The following SAMD5 variants were observed in gnomAD, a reference collection of about 807,000 sequenced individuals.
SAMD5 encodes sterile alpha motif domain containing 5.
SAMD5 carries 13 observed loss-of-function variants against 11.3 expected under a neutral mutation model. The observed-to-expected ratio is 1.15, with a 90% confidence interval of 0.75 to 1.83. SAMD5 has a LOEUF of 1.83. SAMD5 is among the 40% of genes most tolerant of loss of function. The pLI, the probability that SAMD5 is intolerant of heterozygous loss-of-function variation, is 0.00. For synonymous variants in SAMD5, 129 were observed against 111.3 expected, an observed-to-expected ratio of 1.16 and a Z score of -1.00; for missense variants, 255 against 239.1, an observed-to-expected ratio of 1.07 and a Z score of -0.44.
chr6:147,734,390 C>T (rs1038931437), intron 1 of SAMD5, among the ~76,000 whole-genome samples: 2 of 152,192 alleles, frequency 1.3e-5, no homozygotes, highest in East Asian at 1.9e-4. Flanking sequence ...GTGAAGATGT[C>T]TGCTTTATGT....
At chr6:147,755,981 C>T in the SAMD5 span, among the ~76,000 whole-genome samples, 4 of 152,190 alleles carry the variant, frequency 2.6e-5, no homozygotes, top group Middle Eastern at 3.4e-3. Context: ...GGCCATTTCT[C>T]AAGAGCATTT....
At chr6:147,755,074 A>AT in the SAMD5 span, among the ~76,000 whole-genome samples, 19 of 151,110 alleles carry the variant, frequency 1.3e-4, 1 homozygote, top group East Asian at 3.9e-4. Context: ...AAATTTTAGG[A>AT]TTTTTTTTTC....
At chr6:147,634,371 C>A (rs1790193948) in intron 1 of SAMD5, among the ~76,000 whole-genome samples, 1 of 152,122 alleles carries the variant, frequency 6.6e-6, no homozygotes, top group African/African-American at 2.4e-5. Flanking sequence ...AACCAGATCT[C>A]ATGAGAACTC....
At chr6:147,883,163 G>A in the SAMD5 span, among the ~76,000 whole-genome samples, 10 of 152,184 alleles carry the variant, frequency 6.6e-5, no homozygotes, top group Admixed American at 2.6e-4. Flanking sequence ...AAGGTTTTCC[G>A]TGATTGAATG....
intron 1 of SAMD5, among the ~76,000 whole-genome samples, chr6:147,527,669 C>A (rs868263408): frequency 1.3e-5 from 2 of 152,142 alleles, no homozygotes; most frequent in Non-Finnish European, 2.9e-5. Flanking sequence ...CTCATTCCAG[C>A]ATTAACTGAA....
rs991561562 is a variant in SAMD5, at chr6:147,711,648, A to G, written c.163-25669A>G. Among the ~76,000 whole-genome samples, 1 of 152,218 alleles carries G rather than the reference A, an allele frequency of 6.6e-6. No individual in the cohort carries two copies. The highest frequency in any genetic ancestry group is 6.5e-5 in the Admixed American group (1 of 15,280). On this transcript the variant is annotated intron_variant, in intron 1 of 1. Transcript: ENST00000566741. This position sits in a 1 kb window ranked among gnomAD's most constrained non-coding sequence, Gnocchi z 4.1. Reference sequence around the variant, plus strand: ...TGCCAAATTAAATTTCTTGGAAAATAGTGGTTTGCATTCTTCAAAGGGGTC... The same window carrying G: ...TGCCAAATTAAATTTCTTGGAAAATGGTGGTTTGCATTCTTCAAAGGGGTC...
At chr6:147,646,841 T>C (rs1441844789) in intron 1 of SAMD5, among the ~76,000 whole-genome samples, 1 of 151,856 alleles carries the variant, frequency 6.6e-6, no homozygotes, top group Non-Finnish European at 1.5e-5. Context: ...AAAATGTTAT[T>C]AAGAAAATCA....
the SAMD5 span, among the ~76,000 whole-genome samples, chr6:147,864,986 A>G: frequency 2.6e-5 from 4 of 152,212 alleles, no homozygotes; most frequent in South Asian, 6.2e-4. Context: ...AGATTCTGCA[A>G]AAATTCTTCC....
chr6:147,604,330 C>T (rs1241264578), intron 1 of SAMD5, among the ~76,000 whole-genome samples: 5 of 151,916 alleles, frequency 3.3e-5, no homozygotes, highest in Non-Finnish European at 5.9e-5. Flanking sequence ...AAAGACCTGA[C>T]AGTTTTTGAC....
At chr6:147,748,900 C>A in the SAMD5 span, among the ~76,000 whole-genome samples, 12 of 152,132 alleles carry the variant, frequency 7.9e-5, no homozygotes, top group Non-Finnish European at 1.5e-4. Flanking sequence ...CTGAATGACC[C>A]CCATAATCAG....
At chr6:147,573,334 G>A (rs1370591543), downstream of SAMD5, among the ~76,000 whole-genome samples, 1 of 152,194 alleles carries the variant, frequency 6.6e-6, no homozygotes, top group African/African-American at 2.4e-5. Context: ...GGAAAGTGAA[G>A]GGGAAAGCAA....
At chr6:147,929,848 T>G in the SAMD5 span, among the ~76,000 whole-genome samples, 1 of 152,222 alleles carries the variant, frequency 6.6e-6, no homozygotes, top group African/African-American at 2.4e-5. Context: ...AGCTGAAAAC[T>G]TAGCCAAAAG....
At chr6:147,734,711 TAAAAAAAAAAAAAA>T (rs61482319) in intron 1 of SAMD5, among the ~76,000 whole-genome samples, 23 of 26,110 alleles carry the variant, frequency 8.8e-4, no homozygotes, top group Non-Finnish European at 1.7e-3. Context: ...AGACTCCATC[TAAAAAAAAAAAAAA>T]AAAAAAAAAA....
chr6:147,756,387 G>A, the SAMD5 span, among the ~76,000 whole-genome samples: 1 of 152,016 alleles, frequency 6.6e-6, no homozygotes, highest in Non-Finnish European at 1.5e-5. Flanking sequence ...GGGGATGTTG[G>A]AGTTTTCTAG....
chr6:147,863,463 A>G, the SAMD5 span, among the ~76,000 whole-genome samples: 3 of 152,332 alleles, frequency 2.0e-5, no homozygotes, highest in South Asian at 6.2e-4. Context: ...TCTCATTATG[A>G]TGTGAAGTTA....
the SAMD5 span, among the ~76,000 whole-genome samples, chr6:147,806,318 G>GCA: frequency 0.086 from 5,842 of 68,072 alleles, 332 homozygotes; most frequent in African/African-American, 0.23. Context: ...GCGCGCGCGC[G>GCA]CACACACACA....
At chr6:147,952,324 G>A in the SAMD5 span, among the ~76,000 whole-genome samples, 1 of 152,140 alleles carries the variant, frequency 6.6e-6, no homozygotes, top group Admixed American at 6.5e-5. Flanking sequence ...CAAAATAATT[G>A]TTTTTAGTGA....
intron 1 of SAMD5, among the ~76,000 whole-genome samples, chr6:147,678,872 G>T (rs938149095): frequency 3.9e-5 from 6 of 152,046 alleles, no homozygotes; most frequent in African/African-American, 1.4e-4. Context: ...TTTGACACAG[G>T]TGTATACCCA....
intron 1 of SAMD5, among the ~76,000 whole-genome samples, chr6:147,562,122 T>TTCA (rs1388662395): frequency 6.6e-6 from 1 of 152,230 alleles, no homozygotes; most frequent in Admixed American, 6.5e-5. Flanking sequence ...GTGAAATGAC[T>TTCA]TCATAGTCCA....
Sources: allele counts gnomAD v4.1 joint callset (sites outside exome capture counted in the v4.1 genomes callset), GRCh38; gene constraint gnomAD v4.1.1; non-coding constraint Gnocchi (gnomAD v3.1); transcripts MANE v1.5; gene names NCBI Gene and HGNC (gene_info 2026-07-23, HGNC 2026-07-21).